The following C6orf132 variants were observed in gnomAD, a reference collection of about 807,000 sequenced individuals.
The protein encoded by C6orf132 is uncharacterized protein C6orf132.
A neutral mutation model predicts 65.3 loss-of-function variants in C6orf132; 43 were observed. The ratio of observed to expected loss-of-function variants is 0.66; its 90% CI spans 0.52 to 0.85. The LOEUF is 0.85. Among genes scored for constraint, C6orf132 ranks in the 40% least tolerant of loss-of-function variants. The pLI is 0.00. For missense variants in C6orf132, 1,488 were observed against 1,548.8 expected, an observed-to-expected ratio of 0.96 and a Z score of 0.66; for synonymous variants, 631 against 654.1, an observed-to-expected ratio of 0.96 and a Z score of 0.54.
chr6:42,120,771 G>A (rs1766671995), intron 2 of C6orf132, among the ~76,000 whole-genome samples: 1 of 151,872 alleles, frequency 6.6e-6, no homozygotes, highest in Admixed American at 6.6e-5. Flanking sequence ...ACAGGTGCAT[G>A]CCACCATGCC....
intron 2 of C6orf132, among the ~76,000 whole-genome samples, 175 bp downstream of exon 2, chr6:42,128,497 A>G (rs547352062): frequency 3.7e-4 from 57 of 152,082 alleles, no homozygotes; most frequent in African/African-American, 1.3e-3. Context: ...CTAATCCTAG[A>G]CTTCCTACCA....
chr6:42,142,606 C>T lies in C6orf132; in HGVS notation c.-162G>A, dbSNP rs1029494230. On this transcript the variant is annotated 5_prime_UTR_variant, in exon 1 of 5. Coordinates refer to ENST00000341865, the MANE Select transcript of C6orf132 (RefSeq NM_001164446.3). Reference sequence around the variant, plus strand: ...GGGCAACAGGTGCTGCGGGCGCCGCCGCTTGCCGGGAAATGCGAGCTACCT... The same window carrying T: ...GGGCAACAGGTGCTGCGGGCGCCGCTGCTTGCCGGGAAATGCGAGCTACCT... The T allele has an allele frequency of 2.8e-5, 17 of 614,540 alleles. No homozygotes were observed. The highest frequency in any genetic ancestry group is 4.8e-4 in the Middle Eastern group (1 of 2,062). The allele number at this position is 614,540 out of a possible 1,614,324, so 38.1% of individuals were successfully genotyped here. A position where few individuals can be genotyped will look rare whatever the true frequency, so the allele number is the denominator to read the frequency against.
At position 42,106,365 on chromosome 6, in the gene C6orf132, A is replaced by G. The variant is rs1227354169; in HGVS notation, c.1547T>C (p.Leu516Pro). Residue 516 changes from leucine to proline, a missense_variant, in exon 4 of 5, where the codon CTG becomes CCG. Coordinates refer to ENST00000341865, the MANE Select transcript of C6orf132 (RefSeq NM_001164446.3). ...GGGAGTGTCCTTTGCTGGCAGGCTC[A>G]GGAGAGTCTCCTTCTCAGGCAGGCG... is the stretch of plus-strand genomic sequence containing the variant. ...GPRLPEKETLLSLPAKDTPPG... is the reference protein window; with the variant it reads ...GPRLPEKETLPSLPAKDTPPG... The G allele has an allele frequency of 6.5e-6, 10 of 1,536,488 alleles. No individual in the cohort carries two copies. The highest frequency in any genetic ancestry group is 2.7e-5 in the African/African-American group (2 of 73,124).
At chr6:42,118,943 A>G (rs1046108455) in intron 2 of C6orf132, among the ~76,000 whole-genome samples, 7 of 141,552 alleles carry the variant, frequency 4.9e-5, no homozygotes, top group African/African-American at 1.9e-4. Flanking sequence ...GCAAGATCAT[A>G]GCTCACCGCA....
chr6:42,113,801 G>A (rs1005204626), intron 2 of C6orf132, among the ~76,000 whole-genome samples: 3 of 151,146 alleles, frequency 2.0e-5, no homozygotes, highest in Admixed American at 6.6e-5. Flanking sequence ...GGGCGATAGA[G>A]CAAGACTGTC....
At position 42,106,236 on chromosome 6, in the gene C6orf132, GGA is replaced by G. The variant is rs749378297; in HGVS notation, c.1674_1675del (p.Pro559AsnfsTer10). On this transcript the variant is annotated frameshift_variant, in exon 4 of 5. Coordinates refer to ENST00000341865, the MANE Select transcript of C6orf132 (RefSeq NM_001164446.3). LOFTEE classifies it high-confidence loss of function. Reference sequence around the variant, plus strand: ...CCGGATCTGCCGCACACTGGGAGTTGGAGAGTCTTGGGGAATGTAGTCCACAG... The same window carrying G: ...CCGGATCTGCCGCACACTGGGAGTTGGAGTCTTGGGGAATGTAGTCCACAG... The G allele has an allele frequency of 4.6e-6, 7 of 1,537,222 alleles. No individual in the cohort carries two copies. In the South Asian group the frequency reaches 5.9e-5, roughly 13 times the overall value.
intron 1 of C6orf132, among the ~76,000 whole-genome samples, chr6:42,134,628 G>A (rs1167232760): frequency 6.6e-6 from 1 of 152,130 alleles, no homozygotes; most frequent in East Asian, 1.9e-4. Context: ...ACAAAAATTA[G>A]CTGGGCGTGG....
In C6orf132 at chr6:42,107,226, G is replaced by T. The variant is rs1275971747; in HGVS notation, c.686C>A (p.Pro229His). ...TGGGGGTGCTGGGGCTGGCACAGGA[G>T]GCGGTGGGGGGGCTAGAAAGGCCAA... Reference protein sequence around the residue: ...PPLAFLAPPPPPVPAPAPPAP... With the variant: ...PPLAFLAPPPHPVPAPAPPAP... Residue 229 changes from proline to histidine, a missense_variant, in exon 4 of 5, where the codon CCT (proline) becomes CAT (histidine). By Grantham distance (77) the Pro-to-His change is moderately conservative. Coordinates refer to ENST00000341865, the MANE Select transcript of C6orf132 (RefSeq NM_001164446.3). The T allele has an allele frequency of 5.7e-6, 8 of 1,408,398 alleles. No homozygotes were observed. Among genetic ancestry groups the T allele is most frequent in the Non-Finnish European group, 7.4e-6 (8 of 1,079,122 alleles). 87.2% of individuals were successfully genotyped at this position (1,408,398 alleles called of 1,614,324 possible).
At chr6:42,113,037 C>G (rs1337701493) in intron 2 of C6orf132, among the ~76,000 whole-genome samples, 9 of 152,002 alleles carry the variant, frequency 5.9e-5, no homozygotes, top group Non-Finnish European at 1.3e-4. Context: ...CTGTTCTCAA[C>G]TTTTCTCAAA....
rs1766411804 is a variant in C6orf132, at chr6:42,106,592, A to G, written c.1320T>C (p.Ala440=). Residue 440 remains alanine, a synonymous_variant, in exon 4 of 5, where the codon GCT becomes GCC. Transcript: ENST00000341865. The stretch of plus-strand genomic sequence containing the variant: ...TGGGGGGGTTGGGTTTGGGTTTGAG[A>G]GCAGGAGAGCTGGATTTAGGGGTTT... ...FTKTPKSSSP[A]LKPKPNPPSP... is the part of the protein sequence containing the mutation. 2.0e-6 allele frequency: 3 copies of G among 1,535,246 alleles called. No individual in the cohort carries two copies. The highest frequency in any genetic ancestry group is 1.2e-5 in the South Asian group (1 of 83,998).
At position 42,110,234 on chromosome 6, in the gene C6orf132, C is replaced by A. The variant is rs1397574337; in HGVS notation, c.310G>T (p.Ala104Ser). 6.5e-7 allele frequency: 1 copy of A among 1,548,780 alleles called. No individual in the cohort carries two copies. The highest frequency in any genetic ancestry group is 1.4e-5 in the African/African-American group (1 of 72,874). The change falls in exon 3 of 5, where the codon GCA becomes TCA. Residue 104 changes from alanine (A) to serine (S), a missense_variant. Coordinates refer to ENST00000341865, the MANE Select transcript of C6orf132 (RefSeq NM_001164446.3). ...CACTTACCTGTCACTTCTTTGTCTG[C>A]AAAATCATCTGGAACCGAGGGGGTG... ...VPTPSVPDDFADKEVTGTSSL... is the reference protein window; with the variant it reads ...VPTPSVPDDFSDKEVTGTSSL...
In C6orf132 at chr6:42,104,550, G is replaced by T. The variant is rs1766354180; in HGVS notation, c.3362C>A (p.Ser1121Tyr). The change falls in exon 4 of 5, where the codon TCC (serine) becomes TAC (tyrosine). Residue 1121 changes from serine to tyrosine, a missense_variant. Transcript: ENST00000341865. The surrounding 1 kb of genome is among the most constrained non-coding windows in gnomAD (Gnocchi z 4.1). ...GGCGCCCCGGGCGGCGCCCTCCAGG[G>T]ACAGCCTCGGCGCGTGCAGGCCTCC... is the stretch of plus-strand genomic sequence containing the variant. ...PPGGLHAPRLSLEGAARGAAE... is the reference protein window; with the variant it reads ...PPGGLHAPRLYLEGAARGAAE... 2 of 1,253,004 alleles carry T rather than the reference G, an allele frequency of 1.6e-6. No individual in the cohort carries two copies. Among genetic ancestry groups the T allele is most frequent in the Admixed American group, 4.2e-5 (1 of 23,684 alleles). 77.6% of individuals were successfully genotyped at this position (1,253,004 alleles called of 1,614,324 possible).
intron 2 of C6orf132, among the ~76,000 whole-genome samples, chr6:42,123,718 C>T (rs536172278): frequency 3.3e-5 from 5 of 152,132 alleles, no homozygotes; most frequent in African/African-American, 4.8e-5. Context: ...ATGTTGTACC[C>T]GGGACCAGCC....
In C6orf132 at chr6:42,139,564, G is replaced by T. The variant is rs1767002106; in HGVS notation, c.145+2736C>A. The stretch of plus-strand genomic sequence containing the variant: ...AATAAAACTTTATTCCTCAAAGCAG[G>T]CCATGGGCCAGAATGGAGCCAGGAC... On this transcript the variant is annotated intron_variant, in intron 1 of 4. Transcript: ENST00000341865. 2.0e-5 allele frequency among the ~76,000 whole-genome samples: 3 copies of T among 152,220 alleles called. No individual in the cohort carries two copies. The South Asian group carries it at 6.2e-4, about 32-fold the overall frequency.
intron 1 of C6orf132, among the ~76,000 whole-genome samples, chr6:42,137,351 C>T (rs1430187929): frequency 6.6e-6 from 1 of 152,134 alleles, no homozygotes; most frequent in African/African-American, 2.4e-5. Flanking sequence ...TATGTGTGCA[C>T]TGGACTGCCG....
rs1294472315 is a variant in C6orf132, at chr6:42,115,901, CTT to C, written c.253-5612_253-5611del. On this transcript the variant is annotated intron_variant, in intron 2 of 4. Coordinates refer to ENST00000341865, the MANE Select transcript of C6orf132 (RefSeq NM_001164446.3). The stretch of plus-strand genomic sequence containing the variant: ...GTATCAGGTACTCTTTCAGCACTTT[CTT>C]TTTTTTTTTTTCTTTTTTCTTTTTC... Among the ~76,000 whole-genome samples the C allele has an allele frequency of 4.7e-3, 586 of 126,020 alleles. 4 individuals carry two copies. Among genetic ancestry groups the C allele is most frequent in the African/African-American group, 0.016 (563 of 35,678 alleles). 82.7% of individuals were successfully genotyped at this position (126,020 alleles called of 152,430 possible).
chr6:42,105,465 G>A lies in C6orf132; in HGVS notation c.2447C>T (p.Ser816Leu). 1.3e-6 allele frequency: 2 copies of A among 1,533,914 alleles called. No individual in the cohort carries two copies. Among genetic ancestry groups the A allele is most frequent in the East Asian group, 2.4e-5 (1 of 40,852 alleles). ...PPGLPAKPPA[S>L]AQPTDELLRH... Reference sequence around the variant, plus strand: ...GAGGAGTTCATCAGTGGGCTGGGCCGAGGCAGGAGGCTTGGCTGGCAGCCC... The same window carrying A: ...GAGGAGTTCATCAGTGGGCTGGGCCAAGGCAGGAGGCTTGGCTGGCAGCCC... Residue 816 changes from serine to leucine, a missense_variant, in exon 4 of 5, where the codon TCG (serine) becomes TTG (leucine). By Grantham distance (145) the Ser-to-Leu change is moderately radical. Transcript: ENST00000341865.
At chr6:42,115,825 C>T (rs1766558181) in intron 2 of C6orf132, among the ~76,000 whole-genome samples, 1 of 151,920 alleles carries the variant, frequency 6.6e-6, no homozygotes, top group African/African-American at 2.4e-5. Flanking sequence ...CCCCTAAACT[C>T]CCAATCTTAA....
intron 2 of C6orf132, among the ~76,000 whole-genome samples, chr6:42,123,048 C>T (rs765783363): frequency 4.2e-4 from 64 of 152,190 alleles, no homozygotes; most frequent in Non-Finnish European, 7.8e-4. Flanking sequence ...GAAAACACAA[C>T]CTTGCTGCCA....
Sources: gnomAD v4.1 joint callset for allele counts (sites outside exome capture counted in the v4.1 genomes callset) on GRCh38, gnomAD v4.1.1 for gene constraint, Gnocchi (gnomAD v3.1) non-coding constraint, MANE v1.5 for transcripts, NCBI Gene and HGNC (gene_info 2026-07-23, HGNC 2026-07-21) for gene names.